CEP70: variants seen among roughly 807,000 people sequenced by gnomAD.
CEP70 encodes centrosomal protein 70, also known as centrosomal protein of 70 kDa.
CEP70 carries 70 observed loss-of-function variants against 90.9 expected under a neutral mutation model. The ratio of observed to expected loss-of-function variants is 0.77; its 90% CI spans 0.64 to 0.94. CEP70 has a LOEUF of 0.94. Ranked by LOEUF, CEP70 falls within the 40% of genes least tolerant of loss-of-function variation. CEP70 has a pLI of 0.00. For missense variants in CEP70, 648 were observed against 669.0 expected (o/e 0.97, Z 0.35); for synonymous variants, 220 against 228.3 (o/e 0.96, Z 0.33).
chr3:138,545,923 C>T (rs1305433187), intron 6 of CEP70, among the ~76,000 whole-genome samples: 4 of 152,158 alleles, frequency 2.6e-5, no homozygotes, highest in Admixed American at 2.0e-4. Flanking sequence ...TTTATCAAGA[C>T]AATATGTGCA....
At chr3:138,496,297 T>A in intron 17 of CEP70, 4 of 985,406 alleles carry the variant, frequency 4.1e-6, no homozygotes, top group Non-Finnish European at 4.8e-6. Flanking sequence ...TAGCCCATGC[T>A]CTCCTACTAT....
intron 2 of CEP70, among the ~76,000 whole-genome samples, chr3:138,583,019 A>C (rs1189805084): frequency 6.6e-6 from 1 of 152,206 alleles, no homozygotes; most frequent in Non-Finnish European, 1.5e-5. Context: ...ATAACATTGA[A>C]CATAAATGGA....
chr3:138,531,144 A>G (rs2037777676), intron 8 of CEP70, among the ~76,000 whole-genome samples: 1 of 152,136 alleles, frequency 6.6e-6, no homozygotes, highest in Non-Finnish European at 1.5e-5. Context: ...TTAAAAAGTG[A>G]TTCTTTTCCA....
chr3:138,495,704 T>A, intron 17 of CEP70: 1 of 181,522 alleles, frequency 5.5e-6, no homozygotes, highest in East Asian at 1.9e-4. Context: ...ATACAAAAAT[T>A]AGCTGGGTGT....
intron 13 of CEP70, 99 bp from the exon 14 acceptor site, chr3:138,500,980 T>C (rs1295171936): frequency 2.4e-6 from 1 of 421,118 alleles, no homozygotes; most frequent in Non-Finnish European, 3.8e-6. Context: ...TTATATATTA[T>C]ATGTTTTATA....
chr3:138,523,012 A>C (rs143054613), intron 11 of CEP70, among the ~76,000 whole-genome samples: 32 of 152,324 alleles, frequency 2.1e-4, no homozygotes, highest in African/African-American at 7.7e-4. Flanking sequence ...AGCACATCAA[A>C]AAGCTTATCC....
chr3:138,511,752 TCTA>T (rs2035560644), intron 11 of CEP70, among the ~76,000 whole-genome samples: 2 of 152,336 alleles, frequency 1.3e-5, no homozygotes, highest in African/African-American at 2.4e-5. Flanking sequence ...ATGCAGGAAT[TCTA>T]AGCACTTTAC....
At chr3:138,553,656 A>T (rs751673876) in intron 6 of CEP70, among the ~76,000 whole-genome samples, 30 of 152,170 alleles carry the variant, frequency 2.0e-4, no homozygotes, top group Non-Finnish European at 3.8e-4. Flanking sequence ...CTAGGAAAAG[A>T]TATAACAAAA....
At chr3:138,556,453 G>A (rs1157544213) in intron 6 of CEP70, among the ~76,000 whole-genome samples, 1 of 147,798 alleles carries the variant, frequency 6.8e-6, no homozygotes, top group South Asian at 2.2e-4. Context: ...GCTTGAACCC[G>A]GGAGGCAGAG....
At chr3:138,530,262 T>C (rs753923628) in intron 8 of CEP70, among the ~76,000 whole-genome samples, 33 of 152,200 alleles carry the variant, frequency 2.2e-4, no homozygotes, top group Non-Finnish European at 4.6e-4. Flanking sequence ...AATTTAAAAA[T>C]TGAAGTAGTA....
chr3:138,517,444 T>G (rs943724763), intron 11 of CEP70, among the ~76,000 whole-genome samples: 3 of 150,592 alleles, frequency 2.0e-5, no homozygotes, highest in South Asian at 4.2e-4. Flanking sequence ...CAGAGGCGGG[T>G]GGATCACGAG....
chr3:138,509,166 C>T (rs930789053), intron 11 of CEP70, among the ~76,000 whole-genome samples: 5 of 152,140 alleles, frequency 3.3e-5, no homozygotes, highest in Non-Finnish European at 7.4e-5. Context: ...CCCCCCAGCA[C>T]CCACAAAAGA....
intron 6 of CEP70, among the ~76,000 whole-genome samples, chr3:138,566,982 A>G (rs898803961): frequency 5.3e-5 from 8 of 152,164 alleles, no homozygotes; most frequent in African/African-American, 1.4e-4. Flanking sequence ...ATGTCCATCA[A>G]CAGATGAATG....
At chr3:138,592,295 C>A (rs2042422550) in intron 1 of CEP70, among the ~76,000 whole-genome samples, 1 of 152,200 alleles carries the variant, frequency 6.6e-6, no homozygotes, top group Admixed American at 6.5e-5. Flanking sequence ...AGACAAACTA[C>A]CACTGATCAC....
chr3:138,498,015 C>T lies in CEP70; in HGVS notation c.1732+16G>A, dbSNP rs1461210773. On this transcript the variant is annotated intron_variant, in intron 17 of 17. Coordinates refer to ENST00000264982, the MANE Select transcript of CEP70 (RefSeq NM_024491.4). ...TTTAAGACTCAAAATTTCACCATCA[C>T]CACCAGAGATCTTACCTAAGATTTC... 1 of 1,611,714 alleles carries T rather than the reference C, an allele frequency of 6.2e-7. No individual in the cohort carries two copies. The highest frequency in any genetic ancestry group is 8.5e-7 in the Non-Finnish European group (1 of 1,179,294).
At chr3:138,536,370 C>T (rs1297622735) in intron 7 of CEP70, among the ~76,000 whole-genome samples, 2 of 151,912 alleles carry the variant, frequency 1.3e-5, no homozygotes, top group Non-Finnish European at 2.9e-5. Context: ...AATGTTTACA[C>T]ATTCAAAAGT....
chr3:138,555,248 C>A (rs1422426637), intron 6 of CEP70, among the ~76,000 whole-genome samples: 242 of 127,112 alleles, frequency 1.9e-3, no homozygotes, highest in East Asian at 2.2e-3. Context: ...GACTCCATCT[C>A]AAAAAAAAAA....
At chr3:138,537,001 C>CAA (rs57447148) in intron 7 of CEP70, 177 bp downstream of exon 7, 71,329 of 247,740 alleles carry the variant, frequency 0.29, 7,846 homozygotes, top group African/African-American at 0.44. Context: ...ACCTCTAGAA[C>CAA]AAAAAAAAAA....
Position 138,505,286 on chromosome 3 carries a change from A to T in CEP70, c.1221+9T>A. 1 of 1,592,592 alleles carries T rather than the reference A, an allele frequency of 6.3e-7. No homozygotes were observed. Among genetic ancestry groups the T allele is most frequent in the Non-Finnish European group, 8.5e-7 (1 of 1,170,180 alleles). Reference sequence around the variant, plus strand: ...TGTTCAAAGCATATAATCATAGTCAACCCCTTACCTTTAAGGATGTCAGTT... The same window carrying T: ...TGTTCAAAGCATATAATCATAGTCATCCCCTTACCTTTAAGGATGTCAGTT... On this transcript the variant is annotated intron_variant, in intron 13 of 17. Transcript: ENST00000264982.
Sources: allele counts gnomAD v4.1 joint callset (sites outside exome capture counted in the v4.1 genomes callset), GRCh38; gene constraint gnomAD v4.1.1; transcripts MANE v1.5; gene names NCBI Gene and HGNC (gene_info 2026-07-23, HGNC 2026-07-21).